RAB3GAP2: variants seen among roughly 807,000 people sequenced by gnomAD.
RAB3GAP2 encodes the protein rab3 GTPase-activating protein non-catalytic subunit.
RAB3GAP2 carries 87 observed loss-of-function variants against 185.3 expected under a neutral mutation model. The ratio of observed to expected loss-of-function variants is 0.47; its 90% CI spans 0.39 to 0.56. The LOEUF is 0.56. Among genes scored for constraint, RAB3GAP2 ranks in the 20% least tolerant of loss-of-function variants. RAB3GAP2 has a pLI of 0.00. For missense variants in RAB3GAP2, 1,492 were observed against 1,638.2 expected (o/e 0.91, Z 1.54); for synonymous variants, 554 against 576.1 (o/e 0.96, Z 0.55).
intron 1 of RAB3GAP2, among the ~76,000 whole-genome samples, chr1:220,244,135 T>C (rs908869451): frequency 6.6e-6 from 1 of 152,194 alleles, no homozygotes; most frequent in African/African-American, 2.4e-5. Flanking sequence ...TGTTCACTGA[T>C]GATATGATCG....
Position 220,214,481 on chromosome 1 carries a change from G to A in RAB3GAP2, c.181-502C>T, listed in dbSNP as rs1264284361. 5.3e-5 allele frequency among the ~76,000 whole-genome samples: 8 copies of A among 151,638 alleles called. No individual in the cohort carries two copies. The East Asian group carries it at 5.8e-4, about 11-fold the overall frequency. ...GTAGAGGTTACAGTGAGCTGAGATC[G>A]CACCACTACAATCCAGCTTGGGCGA... On this transcript the variant is annotated intron_variant, in intron 2 of 34. Transcript: ENST00000358951.
chr1:220,184,978 A>C (rs978658796), intron 18 of RAB3GAP2, among the ~76,000 whole-genome samples: 2 of 152,164 alleles, frequency 1.3e-5, no homozygotes, highest in African/African-American at 4.8e-5. Context: ...TTGTGTATTA[A>C]GCCACTTTAA....
intron 1 of RAB3GAP2, among the ~76,000 whole-genome samples, chr1:220,240,165 T>C (rs1422733285): frequency 6.6e-6 from 1 of 152,170 alleles, no homozygotes; most frequent in Non-Finnish European, 1.5e-5. Flanking sequence ...TCAGGTCTTG[T>C]TACTTTCATG....
chr1:220,192,344 T>C (rs1316217423), intron 13 of RAB3GAP2, among the ~76,000 whole-genome samples: 9 of 121,812 alleles, frequency 7.4e-5, no homozygotes, highest in Admixed American at 1.6e-4. Flanking sequence ...TCCAGAGTAA[T>C]TGAATGACCT....
chr1:220,247,236 T>C (rs1243817098), intron 1 of RAB3GAP2, among the ~76,000 whole-genome samples: 2 of 152,156 alleles, frequency 1.3e-5, no homozygotes, highest in Non-Finnish European at 1.5e-5. Flanking sequence ...TACCAGGTGA[T>C]CCAGCAGTCC....
At chr1:220,197,175 A>G (rs1658745199) in intron 9 of RAB3GAP2, among the ~76,000 whole-genome samples, 1 of 151,890 alleles carries the variant, frequency 6.6e-6, no homozygotes, top group African/African-American at 2.4e-5. Context: ...TTTAGTAGAG[A>G]CGAAGTTTTG....
At chr1:220,233,142 A>G (rs947020636) in intron 1 of RAB3GAP2, among the ~76,000 whole-genome samples, 4 of 152,240 alleles carry the variant, frequency 2.6e-5, no homozygotes, top group African/African-American at 9.6e-5. Flanking sequence ...TTGGACATCA[A>G]GTTAATTCAC....
At chr1:220,233,855 C>T (rs1358763155) in intron 1 of RAB3GAP2, among the ~76,000 whole-genome samples, 1 of 152,138 alleles carries the variant, frequency 6.6e-6, no homozygotes. Flanking sequence ...CACCTGCCAC[C>T]ACGCCCGGCT....
chr1:220,183,250 A>AT (rs200955039), intron 19 of RAB3GAP2, among the ~76,000 whole-genome samples: 6,802 of 140,366 alleles, frequency 0.048, 162 homozygotes, highest in Middle Eastern at 0.068. Flanking sequence ...GAATGTTAGC[A>AT]TTTTTTTTTT....
chr1:220,205,398 G>T lies in RAB3GAP2; in HGVS notation c.712+509C>A, dbSNP rs982475917. On this transcript the variant is annotated intron_variant, in intron 8 of 34. Transcript: ENST00000358951. ...TCATGTTGACTCCCTGCTGGGTCCT[G>T]CCTACAGTGATATCTGTAGGATCTT... Among the ~76,000 whole-genome samples, 5 of 152,218 alleles carry T rather than the reference G, an allele frequency of 3.3e-5. 1 individual carries two copies. Among genetic ancestry groups the T allele is most frequent in the South Asian group, 4.1e-4 (2 of 4,828 alleles).
Position 220,172,670 on chromosome 1 carries a change from G to A in RAB3GAP2, c.2383C>T (p.His795Tyr). 1 of 1,612,806 alleles carries A rather than the reference G, an allele frequency of 6.2e-7. No homozygotes were observed. Among genetic ancestry groups the A allele is most frequent in the African/African-American group, 1.3e-5 (1 of 75,014 alleles). ...LDKPQSICCL[H>Y]TMLSLLSKMK... Reference sequence around the variant, plus strand: ...TTGCTCAGGAGGGACAGCATGGTATGAAGACAGCAGATTGACTGTGGTTTA... The same window carrying A: ...TTGCTCAGGAGGGACAGCATGGTATAAAGACAGCAGATTGACTGTGGTTTA... Residue 795 changes from histidine (H) to tyrosine (Y), a missense_variant, in exon 22 of 35, where the codon CAT becomes TAT. By Grantham distance (83) the His-to-Tyr change is moderately conservative. Around this residue, in one of 5 missense-constraint regions of RAB3GAP2, gnomAD observed 681 missense variants for 689.1 expected, o/e 0.99. Coordinates refer to ENST00000358951, the MANE Select transcript of RAB3GAP2 (RefSeq NM_012414.4).
intron 2 of RAB3GAP2, among the ~76,000 whole-genome samples, chr1:220,219,982 T>G (rs960452304): frequency 2.0e-5 from 3 of 152,216 alleles, no homozygotes; most frequent in Non-Finnish European, 2.9e-5. Flanking sequence ...ATTAGCGTTT[T>G]GGAAAACTTC....
intron 26 of RAB3GAP2, among the ~76,000 whole-genome samples, chr1:220,165,605 G>A (rs1207085296): frequency 6.6e-6 from 1 of 152,012 alleles, no homozygotes; most frequent in East Asian, 1.9e-4. Flanking sequence ...TCAAATGGTG[G>A]AGCTGAGACT....
intron 1 of RAB3GAP2, among the ~76,000 whole-genome samples, chr1:220,261,830 G>C (rs996636514): frequency 6.6e-6 from 1 of 152,116 alleles, no homozygotes; most frequent in Non-Finnish European, 1.5e-5. Flanking sequence ...GCTGTAAATG[G>C]GTTGCAGGTG....
intron 1 of RAB3GAP2, among the ~76,000 whole-genome samples, chr1:220,259,335 C>A (rs377581293): frequency 2.6e-5 from 4 of 152,238 alleles, no homozygotes; most frequent in East Asian, 1.9e-4. Flanking sequence ...TCAAACTATA[C>A]TGCAAGCTAT....
chr1:220,221,632 G>A (rs943666553), intron 2 of RAB3GAP2, among the ~76,000 whole-genome samples: 2 of 152,110 alleles, frequency 1.3e-5, no homozygotes, highest in Non-Finnish European at 2.9e-5. Context: ...ATTAAGACCA[G>A]TAAAAAAGTT....
chr1:220,192,281 G>C (rs1658638121), intron 13 of RAB3GAP2, among the ~76,000 whole-genome samples: 1 of 152,200 alleles, frequency 6.6e-6, no homozygotes, highest in Non-Finnish European at 1.5e-5. Context: ...GACTGCCTCT[G>C]TCTATCACTG....
Position 220,205,993 on chromosome 1 carries a change from C to T in RAB3GAP2, c.626G>A (p.Ser209Asn), listed in dbSNP as rs775206102. 21 of 1,596,186 alleles carry T rather than the reference C, an allele frequency of 1.3e-5. No homozygotes were observed. Among genetic ancestry groups the T allele is most frequent in the Non-Finnish European group, 1.7e-5 (20 of 1,165,658 alleles). The change falls in exon 8 of 35, where the codon AGT (serine) becomes AAT (asparagine). Residue 209 changes from serine (S) to asparagine (N), a missense_variant. Around this residue, in one of 5 missense-constraint regions of RAB3GAP2, gnomAD observed 243 missense variants for 314.8 expected, o/e 0.77. Coordinates refer to ENST00000358951, the MANE Select transcript of RAB3GAP2 (RefSeq NM_012414.4). ...CACAATGGCAGCTGGATATAAGATA[C>T]TCAACTCTTCATTCTATTTAAGAAA... ...PGVTEQNEEL[S>N]ILYPAAIVTI... is the part of the protein sequence containing the mutation.
At chr1:220,253,662 A>C in intron 1 of RAB3GAP2, 1 of 1,600,212 alleles carries the variant, frequency 6.2e-7, no homozygotes, top group Non-Finnish European at 8.6e-7. Flanking sequence ...CAAAGTGTGT[A>C]AAGGTTGCCA....
Sources: gnomAD v4.1 joint callset for allele counts (sites outside exome capture counted in the v4.1 genomes callset) on GRCh38, gnomAD v4.1.1 for gene constraint, gnomAD v4.1.1 regional missense constraint, MANE v1.5 for transcripts, NCBI Gene and HGNC (gene_info 2026-07-23, HGNC 2026-07-21) for gene names.